The following NLRP14 variants were observed in gnomAD, a reference collection of about 807,000 sequenced individuals.
NLRP14 encodes NACHT, LRR and PYD domains-containing protein 14.
NLRP14 carries 105 observed loss-of-function variants against 94.7 expected under a neutral mutation model. The observed-to-expected ratio is 1.11, with a 90% CI of 0.95 to 1.30. NLRP14 has a LOEUF of 1.30. Ranked by LOEUF, NLRP14 falls within the 50% of genes most tolerant of loss-of-function variation. The pLI, the probability that NLRP14 is intolerant of heterozygous loss-of-function variation, is 0.00. For missense variants in NLRP14, 1,362 were observed against 1,254.1 expected (o/e 1.09, Z -1.30); for synonymous variants, 508 against 459.9 (o/e 1.10, Z -1.34).
intron 1 of NLRP14, among the ~76,000 whole-genome samples, chr11:7,023,717 T>C (rs183523756): frequency 6.6e-6 from 1 of 152,204 alleles, no homozygotes; most frequent in Admixed American, 6.5e-5. Flanking sequence ...CTGCAAGCTT[T>C]ACAGGAAGTA....
In NLRP14 at chr11:7,057,861, T is replaced by C; in HGVS notation, c.2462+14T>C. On this transcript the variant is annotated intron_variant, in intron 7 of 11. Coordinates refer to ENST00000299481, the MANE Select transcript of NLRP14 (RefSeq NM_176822.4). ...AGAGAGACTGTCGTGAGTGTTTCTGTTTTGTTTTCTGTAGAGTCATTTTGC... is the reference window on the plus strand; with the variant it reads ...AGAGAGACTGTCGTGAGTGTTTCTGCTTTGTTTTCTGTAGAGTCATTTTGC... 1 of 1,607,954 alleles carries C rather than the reference T, an allele frequency of 6.2e-7. No homozygotes were observed. The highest frequency in any genetic ancestry group is 8.5e-7 in the Non-Finnish European group (1 of 1,174,588).
At chr11:7,089,327 G>C in the NLRP14 span, 1 of 1,607,784 alleles carries the variant, frequency 6.2e-7, no homozygotes, top group Admixed American at 1.7e-5. Context: ...CCAGAGACAT[G>C]AACGGCAAGT....
the NLRP14 span, chr11:7,089,109 C>A: frequency 1.8e-5 from 29 of 1,611,888 alleles, no homozygotes; most frequent in Admixed American, 8.4e-5. Flanking sequence ...ACCGACCGTT[C>A]GACCGGCAAA....
downstream of NLRP14, among the ~76,000 whole-genome samples, chr11:7,072,697 G>A (rs1205944077): frequency 6.6e-6 from 1 of 152,082 alleles, no homozygotes; most frequent in Non-Finnish European, 1.5e-5. Context: ...CTTACTGGTT[G>A]AGCTCCCCCA....
chr11:7,068,938 G>C (rs1001214184), intron 10 of NLRP14, among the ~76,000 whole-genome samples: 3 of 152,182 alleles, frequency 2.0e-5, no homozygotes, highest in East Asian at 1.9e-4. Context: ...ACAGGTGCCA[G>C]CTACTGTGCC....
chr11:7,068,762 C>G (rs1852746269), intron 10 of NLRP14, among the ~76,000 whole-genome samples: 1 of 152,260 alleles, frequency 6.6e-6, no homozygotes, highest in Non-Finnish European at 1.5e-5. Flanking sequence ...GGCAACCAAG[C>G]CTCCCAGCCT....
chr11:7,077,676 G>A, the NLRP14 span, among the ~76,000 whole-genome samples: 7,280 of 152,312 alleles, frequency 0.048, 324 homozygotes, highest in African/African-American at 0.11. Context: ...TGAAAGGCAC[G>A]TCTCACGTGG....
chr11:7,089,761 A>G, the NLRP14 span: 3 of 1,572,264 alleles, frequency 1.9e-6, no homozygotes, highest in Non-Finnish European at 2.6e-6. Flanking sequence ...GATGAGGGCT[A>G]CTCGTCCAGA....
At chr11:7,054,167 AGT>A (rs1307957649) in intron 6 of NLRP14, among the ~76,000 whole-genome samples, 1 of 152,178 alleles carries the variant, frequency 6.6e-6, no homozygotes, top group Non-Finnish European at 1.5e-5. Flanking sequence ...ATAGTACTCC[AGT>A]GTGTGTATGT....
intron 2 of NLRP14, 87 bp from the exon 3 acceptor site, chr11:7,039,627 T>C (rs1852216935): frequency 9.6e-7 from 1 of 1,044,592 alleles, no homozygotes; most frequent in Non-Finnish European, 1.5e-6. Context: ...TTGGACCACT[T>C]ATGTGAATGC....
chr11:7,046,883 G>T lies in NLRP14; in HGVS notation c.2123+51G>T, dbSNP rs749503828. 6 of 1,384,538 alleles carry T rather than the reference G, an allele frequency of 4.3e-6. No homozygotes were observed. The Admixed American group carries it at 1.0e-4, about 23-fold the overall frequency. The allele number at this position is 1,384,538 out of a possible 1,614,324, so 85.8% of individuals were successfully genotyped here. Reference sequence around the variant, plus strand: ...TGGAGTTATTCTAATTTCTTTCTGTGTCCCATCTTCCACTCATACTCGTTA... The same window carrying T: ...TGGAGTTATTCTAATTTCTTTCTGTTTCCCATCTTCCACTCATACTCGTTA... On this transcript the variant is annotated intron_variant, in intron 5 of 11. Transcript: ENST00000299481.
At chr11:7,068,443 G>A (rs937009583) in intron 10 of NLRP14, among the ~76,000 whole-genome samples, 2 of 152,030 alleles carry the variant, frequency 1.3e-5, no homozygotes, top group East Asian at 1.9e-4. Flanking sequence ...CACAATATTT[G>A]TAAACTTCCC....
chr11:7,087,601 C>T, the NLRP14 span, among the ~76,000 whole-genome samples: 1 of 152,134 alleles, frequency 6.6e-6, no homozygotes, highest in Non-Finnish European at 1.5e-5. Context: ...AAGCAGTAAA[C>T]TTGATTTTAT....
In NLRP14 at chr11:7,057,857, T is replaced by C. The variant is rs768341328; in HGVS notation, c.2462+10T>C. On this transcript the variant is annotated intron_variant, in intron 7 of 11. Transcript: ENST00000299481. ...ATCTAGAGAGACTGTCGTGAGTGTT[T>C]CTGTTTTGTTTTCTGTAGAGTCATT... The C allele has an allele frequency of 3.7e-6, 6 of 1,609,726 alleles. No individual in the cohort carries two copies. Among genetic ancestry groups the C allele is most frequent in the Non-Finnish European group, 4.3e-6 (5 of 1,176,224 alleles).
At chr11:7,049,889 G>T in intron 6 of NLRP14, 51 bp downstream of exon 6, 1 of 1,470,546 alleles carries the variant, frequency 6.8e-7, no homozygotes, top group Non-Finnish European at 9.5e-7. Flanking sequence ...TGAGGCTTTT[G>T]TCTATCCAAG....
the NLRP14 span, among the ~76,000 whole-genome samples, chr11:7,081,785 C>T: frequency 6.6e-6 from 1 of 152,142 alleles, no homozygotes; most frequent in Non-Finnish European, 1.5e-5. Flanking sequence ...CCCTAAATCC[C>T]ACTGCTTGGA....
the NLRP14 span, among the ~76,000 whole-genome samples, chr11:7,084,780 C>A: frequency 6.6e-6 from 1 of 152,146 alleles, no homozygotes; most frequent in East Asian, 1.9e-4. Context: ...TTATCAAACC[C>A]AAGGAGAGGG....
At chr11:7,054,748 T>A (rs1852495498) in intron 6 of NLRP14, among the ~76,000 whole-genome samples, 1 of 152,182 alleles carries the variant, frequency 6.6e-6, no homozygotes, top group Non-Finnish European at 1.5e-5. Flanking sequence ...TTCAATTTTA[T>A]GGGTTGTCTG....
chr11:7,038,856 A>T lies in NLRP14; in HGVS notation c.270A>T (p.Arg90Ser), dbSNP rs1007427561. Residue 90 changes from arginine to serine, a missense_variant, in exon 2 of 12, where the codon AGA becomes AGT. By Grantham distance (110) the Arg-to-Ser change is moderately radical (BLOSUM62 -1). Coordinates refer to ENST00000299481, the MANE Select transcript of NLRP14 (RefSeq NM_176822.4). ...GKMNLKDLCE[R>S]AKEEINWSAQ... is the part of the protein sequence containing the mutation. ...TGAACCTGAAGGATCTGTGTGAGAG[A>T]GCGAAAGAAGAGATCAACTGTGAGT... 3 of 1,613,450 alleles carry T rather than the reference A, an allele frequency of 1.9e-6. No individual in the cohort carries two copies. Among genetic ancestry groups the T allele is most frequent in the Non-Finnish European group, 2.5e-6 (3 of 1,179,922 alleles).
Sources: allele counts gnomAD v4.1 joint callset (sites outside exome capture counted in the v4.1 genomes callset), GRCh38; gene constraint gnomAD v4.1.1; transcripts MANE v1.5; gene names NCBI Gene and HGNC (gene_info 2026-07-23, HGNC 2026-07-21).